The following PPFIBP1 variants were observed in gnomAD, a reference collection of about 807,000 sequenced individuals.
The protein encoded by PPFIBP1 is PPFIB scaffold protein 1.
In PPFIBP1, 112 loss-of-function variants were observed where a neutral mutation model predicts 137.8. The observed-to-expected ratio is 0.81, with a 90% CI of 0.70 to 0.95. The LOEUF (loss-of-function observed/expected upper bound fraction) is 0.95, where lower values mean the gene tolerates loss of function less well. PPFIBP1 is among the 40% of genes least tolerant of loss of function. The pLI is 0.00. For synonymous variants in PPFIBP1, 378 were observed against 417.3 expected (o/e 0.91, Z 1.15); for missense variants, 1,083 against 1,196.6 (o/e 0.91, Z 1.40).
chr12:27,578,086 GC>G (rs2050721869), intron 1 of PPFIBP1, 65 bp from the exon 2 acceptor site: 1 of 152,136 alleles, frequency 6.6e-6, no homozygotes, highest in Admixed American at 6.5e-5. Context: ...TCAGCCATTT[GC>G]CACTTTTATT....
chr12:27,563,641 A>G (rs2049373595), intron 1 of PPFIBP1, among the ~76,000 whole-genome samples: 1 of 152,064 alleles, frequency 6.6e-6, no homozygotes, highest in African/African-American at 2.4e-5. Flanking sequence ...AACAACCCCC[A>G]CAGCCAGCAA....
intron 1 of PPFIBP1, among the ~76,000 whole-genome samples, chr12:27,570,413 A>G (rs2050040742): frequency 6.6e-6 from 1 of 152,202 alleles, no homozygotes; most frequent in Non-Finnish European, 1.5e-5. Flanking sequence ...GGGGTATTAA[A>G]AGTCAGGCTG....
At chr12:27,683,564 G>C (rs2061009795) in intron 24 of PPFIBP1, among the ~76,000 whole-genome samples, 1 of 152,144 alleles carries the variant, frequency 6.6e-6, no homozygotes, top group Admixed American at 6.5e-5. Flanking sequence ...TTCTGCTACA[G>C]CAGGAGTTAC....
intron 2 of PPFIBP1, among the ~76,000 whole-genome samples, chr12:27,613,417 T>C (rs16932236): frequency 0.018 from 2,733 of 152,244 alleles, 86 homozygotes; most frequent in African/African-American, 0.062. Flanking sequence ...AAAATTTCAT[T>C]CAGAGATCAG....
intron 4 of PPFIBP1, among the ~76,000 whole-genome samples, chr12:27,639,218 T>TA (rs978034029): frequency 6.6e-6 from 1 of 152,112 alleles, no homozygotes; most frequent in African/African-American, 2.4e-5. Flanking sequence ...CTCCTGTGGT[T>TA]AAAAAAAACT....
chr12:27,537,969 G>C (rs1421083592), intron 1 of PPFIBP1, among the ~76,000 whole-genome samples: 1 of 152,162 alleles, frequency 6.6e-6, no homozygotes. Flanking sequence ...CGGAAATTGG[G>C]TGTATGCTTT....
chr12:27,670,974 A>G (rs1336650030), intron 13 of PPFIBP1, among the ~76,000 whole-genome samples: 1 of 151,900 alleles, frequency 6.6e-6, no homozygotes, highest in African/African-American at 2.4e-5. Context: ...AGTGTGTCAG[A>G]ACCAACATTT....
At chr12:27,579,689 G>A (rs1206629224) in intron 2 of PPFIBP1, among the ~76,000 whole-genome samples, 1 of 152,114 alleles carries the variant, frequency 6.6e-6, no homozygotes, top group Non-Finnish European at 1.5e-5. Context: ...ATTACTAATA[G>A]CGCTTCTATG....
chr12:27,603,413 G>A (rs1202887057), intron 2 of PPFIBP1, among the ~76,000 whole-genome samples: 1 of 152,096 alleles, frequency 6.6e-6, no homozygotes, highest in Non-Finnish European at 1.5e-5. Context: ...TACCCTTCTG[G>A]GAAAAATGTT....
chr12:27,681,261 T>TG (rs2060856982), intron 21 of PPFIBP1, among the ~76,000 whole-genome samples: 1 of 152,226 alleles, frequency 6.6e-6, no homozygotes, highest in African/African-American at 2.4e-5. Context: ...TTAAAACTGA[T>TG]ACAGTGACTT....
intron 2 of PPFIBP1, among the ~76,000 whole-genome samples, chr12:27,582,281 C>A (rs1300316985): frequency 1.3e-5 from 2 of 152,108 alleles, no homozygotes; most frequent in Non-Finnish European, 2.9e-5. Context: ...TCTGAAGTCT[C>A]CATGCATTTA....
intron 1 of PPFIBP1, among the ~76,000 whole-genome samples, chr12:27,542,729 T>C (rs1469107507): frequency 1.3e-5 from 2 of 152,212 alleles, no homozygotes; most frequent in Non-Finnish European, 2.9e-5. Context: ...AGACTTTCTT[T>C]TCTGTTGTGG....
At chr12:27,599,691 C>T (rs1207028610) in intron 2 of PPFIBP1, among the ~76,000 whole-genome samples, 1 of 152,106 alleles carries the variant, frequency 6.6e-6, no homozygotes, top group African/African-American at 2.4e-5. Flanking sequence ...AAAGAGACAT[C>T]CTGAACCTGT....
chr12:27,586,270 A>C (rs2051737354), intron 2 of PPFIBP1, among the ~76,000 whole-genome samples: 1 of 152,242 alleles, frequency 6.6e-6, no homozygotes, highest in African/African-American at 2.4e-5. Context: ...CCTGGGATGG[A>C]AGAATAGGAT....
rs2060365797 is a variant in PPFIBP1, at chr12:27,674,232, G to T, written c.1410+11G>T. 1.9e-6 allele frequency: 3 copies of T among 1,583,070 alleles called. No homozygotes were observed. The East Asian group carries it at 6.8e-5, about 36-fold the overall frequency. Reference sequence around the variant, plus strand: ...CAGAAGACTTCAGAGGTAACTTTTTGTCCAAATTACAATGCAAAAATATTT... The same window carrying T: ...CAGAAGACTTCAGAGGTAACTTTTTTTCCAAATTACAATGCAAAAATATTT... On this transcript the variant is annotated intron_variant, in intron 17 of 29. Coordinates refer to ENST00000228425, the MANE Select transcript of PPFIBP1 (RefSeq NM_003622.4).
Position 27,650,136 on chromosome 12 carries a change from A to G in PPFIBP1, c.598A>G (p.Thr200Ala). The change falls in exon 7 of 30, where the codon ACA becomes GCA. Residue 200 changes from threonine to alanine, a missense_variant. Transcript: ENST00000228425. ...RLDYEDKFRD[T>A]EGLIQEINDL... is the part of the protein sequence containing the mutation. ...GGATTATGAAGATAAGTTCAGAGACACAGAGGTGAGTGATACAGTCTCTCC... is the reference window on the plus strand; with the variant it reads ...GGATTATGAAGATAAGTTCAGAGACGCAGAGGTGAGTGATACAGTCTCTCC... The G allele has an allele frequency of 6.2e-7, 1 of 1,603,430 alleles. No homozygotes were observed. The highest frequency in any genetic ancestry group is 8.5e-7 in the Non-Finnish European group (1 of 1,170,866).
intron 4 of PPFIBP1, among the ~76,000 whole-genome samples, 185 bp from the exon 5 acceptor site, chr12:27,645,877 C>T (rs559759098): frequency 6.6e-6 from 1 of 152,346 alleles, no homozygotes; most frequent in South Asian, 2.1e-4. Context: ...ATATGCTTAA[C>T]ATGCCTGTCT....
At chr12:27,608,648 G>A (rs1460713774) in intron 2 of PPFIBP1, 6 of 433,768 alleles carry the variant, frequency 1.4e-5, no homozygotes, top group Non-Finnish European at 2.1e-5. Context: ...TAAAAAACTT[G>A]CATTTACAAA....
intron 2 of PPFIBP1, among the ~76,000 whole-genome samples, chr12:27,600,126 A>C (rs1326860342): frequency 6.6e-6 from 1 of 152,126 alleles, no homozygotes; most frequent in Non-Finnish European, 1.5e-5. Context: ...GTAAGTCTAA[A>C]ATTAGGTCAA....
Sources: allele counts gnomAD v4.1 joint callset (sites outside exome capture counted in the v4.1 genomes callset), GRCh38; gene constraint gnomAD v4.1.1; transcripts MANE v1.5; gene names NCBI Gene and HGNC (gene_info 2026-07-23, HGNC 2026-07-21).